GNAQ: variants seen among roughly 807,000 people sequenced by gnomAD.
GNAQ encodes G protein subunit alpha q.
GNAQ carries 8 observed loss-of-function variants against 43.9 expected under a neutral mutation model. The ratio of observed to expected loss-of-function variants is 0.18; its 90% CI spans 0.11 to 0.33. The LOEUF is 0.33. Among genes scored for constraint, GNAQ ranks in the 10% least tolerant of loss-of-function variants. The probability of loss-of-function intolerance (pLI) is 1.00; values close to 1 mark genes in which losing one functional copy is unlikely to be tolerated. For missense variants in GNAQ, 158 were observed against 450.8 expected (o/e 0.35, Z 5.88); for synonymous variants, 155 against 170.7 (o/e 0.91, Z 0.71).
intron 1 of GNAQ, among the ~76,000 whole-genome samples, chr9:77,938,455 G>T (rs1318932320): frequency 6.6e-6 from 1 of 152,180 alleles, no homozygotes; most frequent in Non-Finnish European, 1.5e-5. Flanking sequence ...GGCACAAACA[G>T]TTCAATTTTA....
At chr9:77,944,095 G>C (rs1307162307) in intron 1 of GNAQ, among the ~76,000 whole-genome samples, 4 of 151,806 alleles carry the variant, frequency 2.6e-5, no homozygotes, top group Non-Finnish European at 5.9e-5. Context: ...CAGGCAGTAT[G>C]AACGAATGAT....
chr9:77,841,532 T>C (rs920690698), intron 2 of GNAQ, among the ~76,000 whole-genome samples: 4 of 152,248 alleles, frequency 2.6e-5, no homozygotes, highest in Admixed American at 2.6e-4. Context: ...AGGAATTATA[T>C]TTTATTCTAA....
intron 3 of GNAQ, among the ~76,000 whole-genome samples, chr9:77,801,261 G>A (rs1382655328): frequency 2.6e-5 from 4 of 152,142 alleles, no homozygotes; most frequent in African/African-American, 9.7e-5. Flanking sequence ...GGGGTTAGAG[G>A]ATACCCTAAA....
chr9:77,798,860 G>A (rs1826700311), intron 3 of GNAQ, among the ~76,000 whole-genome samples: 1 of 152,128 alleles, frequency 6.6e-6, no homozygotes, highest in African/African-American at 2.4e-5. Context: ...CATAGATACA[G>A]AGGGCTGACT....
chr9:77,875,879 G>A (rs1478318778), intron 2 of GNAQ, among the ~76,000 whole-genome samples: 3 of 152,128 alleles, frequency 2.0e-5, no homozygotes, highest in Non-Finnish European at 4.4e-5. Context: ...AGAGGGGAGA[G>A]TTTTGCTGAA....
At chr9:77,777,046 T>C (rs1399873820) in intron 5 of GNAQ, among the ~76,000 whole-genome samples, 3 of 152,078 alleles carry the variant, frequency 2.0e-5, no homozygotes, top group African/African-American at 7.2e-5. Context: ...TGTGCATCAG[T>C]GTAATAGAAC....
chr9:77,747,931 C>T (rs1825754703), intron 5 of GNAQ, among the ~76,000 whole-genome samples: 1 of 152,306 alleles, frequency 6.6e-6, no homozygotes, highest in South Asian at 2.1e-4. Flanking sequence ...CATGGTTTTT[C>T]TATTAAGCCA....
chr9:77,725,665 G>A lies in GNAQ; in HGVS notation c.889+2849C>T, dbSNP rs1825387246. On this transcript the variant is annotated intron_variant, in intron 6 of 6. Coordinates refer to ENST00000286548, the MANE Select transcript of GNAQ (RefSeq NM_002072.5). ...TGCTGGAAGGAAAATGCTTGTAGTGGTGGGGAATCTGGGGAAATTATTGGA... is the reference window on the plus strand; with the variant it reads ...TGCTGGAAGGAAAATGCTTGTAGTGATGGGGAATCTGGGGAAATTATTGGA... 2.0e-5 allele frequency among the ~76,000 whole-genome samples: 3 copies of A among 151,798 alleles called. No homozygotes were observed. The South Asian group carries it at 6.3e-4, about 32-fold the overall frequency.
intron 2 of GNAQ, among the ~76,000 whole-genome samples, chr9:77,863,216 A>AAGGAAGGAAGGAAGGG (rs1281288103): frequency 1.5e-4 from 22 of 149,058 alleles, no homozygotes; most frequent in Middle Eastern, 3.4e-3. Context: ...GGAAGGAAGG[A>AAGGAAGGAAGGAAGGG]AGGGAGGAAG....
At chr9:77,986,579 C>T (rs1172402240) in intron 1 of GNAQ, among the ~76,000 whole-genome samples, 1 of 152,148 alleles carries the variant, frequency 6.6e-6, no homozygotes, top group African/African-American at 2.4e-5. Flanking sequence ...GATAACAGCT[C>T]ACTGTAGGCT....
intron 6 of GNAQ, among the ~76,000 whole-genome samples, chr9:77,726,050 G>C (rs779821451): frequency 3.9e-5 from 6 of 152,074 alleles, no homozygotes; most frequent in Non-Finnish European, 8.8e-5. Flanking sequence ...AGCGTGTTTA[G>C]ATCTAAGCCA....
intron 3 of GNAQ, among the ~76,000 whole-genome samples, chr9:77,800,576 G>T (rs1000486479): frequency 3.3e-5 from 5 of 152,164 alleles, no homozygotes; most frequent in African/African-American, 1.2e-4. Context: ...ACTGCTGTGG[G>T]GGGAGGGATA....
chr9:77,910,149 G>C (rs1228716900), intron 2 of GNAQ, among the ~76,000 whole-genome samples: 1 of 152,096 alleles, frequency 6.6e-6, no homozygotes, highest in African/African-American at 2.4e-5. Flanking sequence ...CTATTGCTTT[G>C]CTAAATATTA....
chr9:77,942,248 G>A (rs2118346798), intron 1 of GNAQ, among the ~76,000 whole-genome samples: 1 of 152,250 alleles, frequency 6.6e-6, no homozygotes. Context: ...GTTTGGGGCT[G>A]TACTTGGAAT....
intron 1 of GNAQ, among the ~76,000 whole-genome samples, chr9:77,962,180 A>G (rs1170217850): frequency 2.0e-5 from 3 of 152,192 alleles, no homozygotes; most frequent in Non-Finnish European, 4.4e-5. Context: ...AGTGTGGAAC[A>G]AAATCGAGTT....
chr9:77,864,695 CAGT>C (rs1564134262), intron 2 of GNAQ, among the ~76,000 whole-genome samples: 1 of 152,200 alleles, frequency 6.6e-6, no homozygotes, highest in Non-Finnish European at 1.5e-5. Flanking sequence ...GGGTTTTGAC[CAGT>C]AAGACCAGTT....
intron 2 of GNAQ, among the ~76,000 whole-genome samples, chr9:77,832,352 CA>C (rs927202093): frequency 6.6e-6 from 1 of 152,116 alleles, no homozygotes; most frequent in African/African-American, 2.4e-5. Flanking sequence ...TGTTATGATA[CA>C]AAGTAGATAT....
intron 1 of GNAQ, among the ~76,000 whole-genome samples, chr9:77,963,569 C>CCTT (rs1304427162): frequency 4.6e-5 from 7 of 151,946 alleles, no homozygotes. Flanking sequence ...GCAATGGCTA[C>CCTT]GAAGAGGTGG....
intron 2 of GNAQ, among the ~76,000 whole-genome samples, chr9:77,848,171 TCA>T (rs756372368): frequency 2.2e-4 from 34 of 152,298 alleles, no homozygotes; most frequent in Non-Finnish European, 4.6e-4. Context: ...AGTCTAAAAA[TCA>T]CAGTTCTTTC....
Sources: gnomAD v4.1 joint callset for allele counts (sites outside exome capture counted in the v4.1 genomes callset) on GRCh38, gnomAD v4.1.1 for gene constraint, MANE v1.5 for transcripts, NCBI Gene and HGNC (gene_info 2026-07-23, HGNC 2026-07-21) for gene names.